Variants in MCF2 observed in about 807,000 individuals in gnomAD.
MCF2 encodes the protein proto-oncogene DBL.
In MCF2, 44 loss-of-function variants were observed where a neutral mutation model predicts 82.5. The observed-to-expected ratio is 0.53, with a 90% CI of 0.42 to 0.69. The LOEUF (loss-of-function observed/expected upper bound fraction) is 0.69, where lower values mean the gene tolerates loss of function less well. Ranked by LOEUF, MCF2 falls within the 30% of genes least tolerant of loss-of-function variation. MCF2 has a pLI of 0.00. For synonymous variants in MCF2, 217 were observed against 224.9 expected (o/e 0.96, Z 0.32); for missense variants, 623 against 663.1 (o/e 0.94, Z 0.66).
At chrX:139,592,440 A>G (rs907866187) in intron 19 of MCF2, among the ~76,000 whole-genome samples, 2 of 111,892 alleles carry the variant, frequency 1.8e-5, no homozygotes, top group African/African-American at 6.5e-5. Context: ...GTAACAAATT[A>G]AAGGTAAAAT....
intron 1 of MCF2, among the ~76,000 whole-genome samples, chrX:139,663,706 C>G (rs1036738636): frequency 9.2e-6 from 1 of 108,330 alleles, no homozygotes; most frequent in Non-Finnish European, 1.9e-5. Flanking sequence ...CAGTTTAAAT[C>G]GAATGTTTCT....
At chrX:139,697,150 G>C (rs1286010227) in intron 1 of MCF2, among the ~76,000 whole-genome samples, 2 of 111,750 alleles carry the variant, frequency 1.8e-5, no homozygotes, top group Non-Finnish European at 3.8e-5. Flanking sequence ...TGTCCCCATG[G>C]CCACTGTGAT....
At chrX:139,601,911 T>C (rs1208322698) in intron 16 of MCF2, among the ~76,000 whole-genome samples, 7 of 111,231 alleles carry the variant, frequency 6.3e-5, no homozygotes, top group Non-Finnish European at 1.1e-4. Context: ...TCTAGAAAAC[T>C]GAGTAAAAAA....
intron 15 of MCF2, 112 bp from the exon 20 acceptor site, chrX:139,602,610 G>A (rs1930652941): frequency 2.0e-6 from 1 of 504,670 alleles, no homozygotes; most frequent in Non-Finnish European, 3.4e-6. Context: ...TGGCCTAAAG[G>A]GCCTACTGTA....
intron 20 of MCF2, 73 bp downstream of exon 24, chrX:139,589,762 T>C (rs1002810529): frequency 1.3e-6 from 1 of 745,817 alleles, no homozygotes; most frequent in Non-Finnish European, 2.0e-6. Flanking sequence ...CCAAAATTAT[T>C]TTTGTTTATA....
intron 1 of MCF2, among the ~76,000 whole-genome samples, chrX:139,670,851 T>C (rs1307643056): frequency 8.9e-6 from 1 of 111,920 alleles, no homozygotes; most frequent in Non-Finnish European, 1.9e-5. Context: ...CTGGGTCAAA[T>C]GGTATTTCTA....
chrX:139,619,662 C>T (rs1041714115), exon 7 of MCF2: 3 of 1,182,951 alleles, frequency 2.5e-6, no homozygotes, highest in African/African-American at 3.5e-5. Flanking sequence ...TTACATCAGC[C>T]AGTTCTGCTT....
chrX:139,691,887 G>A, intron 1 of MCF2: 1 of 1,143,391 alleles, frequency 8.7e-7, no homozygotes, highest in Non-Finnish European at 1.2e-6. Flanking sequence ...CGAGGCCGCC[G>A]GGGAGGAGAT....
Position 139,651,802 on chromosome X carries a change from A to C in MCF2, c.-44-14T>G, listed in dbSNP as rs1934028382. 2.0e-6 allele frequency: 2 copies of C among 1,019,104 alleles called. No individual in the cohort carries two copies. Among genetic ancestry groups the C allele is most frequent in the Non-Finnish European group, 2.7e-6 (2 of 740,603 alleles). The allele number at this position is 1,019,104 out of a possible 1,213,427, so 84.0% of individuals were successfully genotyped here. A position where few individuals can be genotyped will look rare whatever the true frequency, so the allele number is the denominator to read the frequency against. On this transcript the variant is annotated splice_polypyrimidine_tract_variant and intron_variant, in intron 1 of 27. Coordinates refer to the MCF2 transcript ENST00000414978. Reference sequence around the variant, plus strand: ...GCAGATCGGTTTCTATGACAAACGAAAATAGAAGAAATGACATACATGTTA... The same window carrying C: ...GCAGATCGGTTTCTATGACAAACGACAATAGAAGAAATGACATACATGTTA...
intron 22 of MCF2, among the ~76,000 whole-genome samples, 195 bp downstream of exon 26, chrX:139,587,521 C>A (rs1018527986): frequency 1.8e-5 from 2 of 111,451 alleles, no homozygotes; most frequent in Non-Finnish European, 3.8e-5. Flanking sequence ...GAAATCAACC[C>A]AAGGGATAAC....
exon 1 of MCF2, chrX:139,642,726 A>T (rs1435211802): frequency 3.5e-5 from 37 of 1,071,220 alleles, no homozygotes; most frequent in Non-Finnish European, 4.3e-5. Context: ...CAGCTGACAG[A>T]TCCTTCCCTT....
chrX:139,621,190 A>C (rs1932328128), intron 6 of MCF2, among the ~76,000 whole-genome samples: 1 of 111,722 alleles, frequency 9.0e-6, no homozygotes, highest in Non-Finnish European at 1.9e-5. Context: ...CATATATAAC[A>C]ATTAACTAAG....
intron 1 of MCF2, among the ~76,000 whole-genome samples, chrX:139,636,599 A>T (rs184955004): frequency 2.1e-3 from 229 of 111,298 alleles, no homozygotes; most frequent in African/African-American, 7.2e-3. Flanking sequence ...AGAGCTATGT[A>T]GCAACTCTCT....
At chrX:139,589,327 A>G (rs1405990779) in intron 20 of MCF2, among the ~76,000 whole-genome samples, 1 of 112,265 alleles carries the variant, frequency 8.9e-6, no homozygotes, top group African/African-American at 3.2e-5. Context: ...AACTCCAGAT[A>G]CAAATATTTA....
chrX:139,704,955 G>T (rs575047123), intron 1 of MCF2, among the ~76,000 whole-genome samples: 1 of 109,975 alleles, frequency 9.1e-6, no homozygotes, highest in South Asian at 3.9e-4. Context: ...AAAGCAAAAA[G>T]AACAAAGACG....
At position 139,703,449 on chromosome X, in the gene MCF2, A is replaced by G. The variant is rs1481210076; in HGVS notation, c.-45+4657T>C. Among the ~76,000 whole-genome samples the G allele has an allele frequency of 1.2e-4, 13 of 112,146 alleles. No individual in the cohort carries two copies. In the Admixed American group the frequency reaches 1.2e-3, roughly 11 times the overall value. On this transcript the variant is annotated intron_variant, in intron 1 of 27. Coordinates refer to the MCF2 transcript ENST00000414978. ...AAAAAAAGAACAGAGAAAATAGGAA[A>G]GGATAGGCTGGGCACGGTGGCTCAT...
chrX:139,603,314 C>G (rs772780870), intron 15 of MCF2, among the ~76,000 whole-genome samples: 7 of 112,202 alleles, frequency 6.2e-5, no homozygotes, highest in Admixed American at 9.5e-5. Flanking sequence ...GCTGCTAACC[C>G]AATGAGAGAT....
chrX:139,617,675 T>A (rs1225519915), exon 8 of MCF2: 3 of 1,189,261 alleles, frequency 2.5e-6, no homozygotes, highest in Non-Finnish European at 3.4e-6. Flanking sequence ...GTCCATGTAA[T>A]ATCACAAACT....
chrX:139,677,581 A>T (rs373261525), intron 1 of MCF2, among the ~76,000 whole-genome samples: 19 of 111,616 alleles, frequency 1.7e-4, no homozygotes, highest in African/African-American at 6.2e-4. Flanking sequence ...TTAATTCTGC[A>T]TCACCTTCTC....
Sources: gnomAD v4.1 joint callset for allele counts (sites outside exome capture counted in the v4.1 genomes callset) on GRCh38, gnomAD v4.1.1 for gene constraint, MANE v1.5 for transcripts, NCBI Gene and HGNC (gene_info 2026-07-23, HGNC 2026-07-21) for gene names.